The following DMD variants were observed in gnomAD, a reference collection of about 807,000 sequenced individuals.
The protein encoded by DMD is dystrophin, also known as mutant dystrophin.
DMD carries 63 observed loss-of-function variants against 330.1 expected under a neutral mutation model. The observed-to-expected ratio is 0.19, with a 90% CI of 0.16 to 0.24. The LOEUF is 0.24. DMD is among the 10% of genes least tolerant of loss of function. DMD has a pLI of 1.00. For missense variants in DMD, 3,344 were observed against 2,684.1 expected, an observed-to-expected ratio of 1.25 and a Z score of -5.43; for synonymous variants, 1,223 against 959.8, an observed-to-expected ratio of 1.27 and a Z score of -5.07.
intron 48 of DMD, among the ~76,000 whole-genome samples, chrX:31,839,768 A>G (rs1003718284): frequency 8.9e-6 from 1 of 112,033 alleles, no homozygotes; most frequent in African/African-American, 3.2e-5. Context: ...CACAAATACA[A>G]ATGTTTTAGC....
chrX:32,104,144 G>A (rs561839093), intron 44 of DMD, among the ~76,000 whole-genome samples: 1 of 111,184 alleles, frequency 9.0e-6, no homozygotes, highest in East Asian at 2.8e-4. Flanking sequence ...TTCTCTCCTT[G>A]GGCTACTGCA....
At chrX:32,602,674 G>C (rs936700733) in intron 12 of DMD, among the ~76,000 whole-genome samples, 1 of 111,366 alleles carries the variant, frequency 9.0e-6, no homozygotes, top group Non-Finnish European at 1.9e-5. Context: ...TTTTGATTCT[G>C]AGTATTTAAT....
rs779319576 is a variant in DMD, at chrX:33,305,841, T to A, written c.7+33418A>T. Among the ~76,000 whole-genome samples, 340 of 112,055 alleles carry A rather than the reference T, an allele frequency of 3.0e-3. 1 individual carries two copies. The highest frequency in any genetic ancestry group is 0.011 in the African/African-American group (329 of 30,880). On this transcript the variant is annotated intron_variant, in intron 1 of 17. Transcript: ENST00000288447. ...CAATAACTTAAGAACACATCTTTTG[T>A]CAGTGTCTCTGAGGGATAAATATTT...
chrX:32,816,218 C>T (rs1000232976), intron 6 of DMD, among the ~76,000 whole-genome samples: 1 of 111,629 alleles, frequency 9.0e-6, no homozygotes. Context: ...TGATACTCTC[C>T]CCCTCCACTA....
At chrX:32,951,850 T>C (rs1265425257) in intron 2 of DMD, among the ~76,000 whole-genome samples, 2 of 111,760 alleles carry the variant, frequency 1.8e-5, no homozygotes, top group Non-Finnish European at 3.8e-5. Context: ...AGAGCCTATA[T>C]CCCCAAATAG....
chrX:31,402,393 C>T (rs879055795), intron 60 of DMD, among the ~76,000 whole-genome samples: 7 of 111,806 alleles, frequency 6.3e-5, no homozygotes, highest in Non-Finnish European at 9.4e-5. Context: ...AGGAGATAAA[C>T]GGATGGGCCG....
intron 2 of DMD, among the ~76,000 whole-genome samples, chrX:32,874,323 G>C (rs181923331): frequency 3.7e-3 from 410 of 111,974 alleles, no homozygotes; most frequent in African/African-American, 0.012. Context: ...TTGATACAAA[G>C]ATTGAGCTTA....
chrX:31,863,565 A>C (rs1278015650), intron 48 of DMD, among the ~76,000 whole-genome samples: 1 of 111,922 alleles, frequency 8.9e-6, no homozygotes, highest in Admixed American at 9.5e-5. Flanking sequence ...TTCTTTACTC[A>C]AGGTACCATC....
chrX:32,175,471 G>A (rs1486982949), intron 44 of DMD, among the ~76,000 whole-genome samples: 5 of 110,692 alleles, frequency 4.5e-5, no homozygotes, highest in Non-Finnish European at 9.5e-5. Flanking sequence ...CCCCTTCCAC[G>A]TTGTGGAAGC....
chrX:32,858,957 G>T (rs1012158532), intron 2 of DMD, among the ~76,000 whole-genome samples: 3 of 111,030 alleles, frequency 2.7e-5, no homozygotes, highest in Non-Finnish European at 5.7e-5. Flanking sequence ...TGTTATCTTG[G>T]GCAAGTGACA....
chrX:33,188,233 C>T (rs981384641), intron 1 of DMD, among the ~76,000 whole-genome samples: 4 of 108,969 alleles, frequency 3.7e-5, no homozygotes, highest in African/African-American at 1.3e-4. Flanking sequence ...TTCCTTTAAC[C>T]ATCTCTCTCT....
In DMD at chrX:31,509,854, A is replaced by T. The variant is rs779012618; in HGVS notation, c.8218-2401T>A. Among the ~76,000 whole-genome samples, 3 of 112,485 alleles carry T rather than the reference A, an allele frequency of 2.7e-5. No individual in the cohort carries two copies. The South Asian group carries it at 1.1e-3, about 42-fold the overall frequency. On this transcript the variant is annotated intron_variant, in intron 55 of 78. Transcript: ENST00000357033. ...GGGAAATGTAAGAGGAGTACAAATG[A>T]TAGTTCTGTCTTTAATTTTCCTAAA...
At chrX:31,209,791 C>T in intron 64 of DMD, 92 bp from the exon 65 acceptor site, 2 of 864,826 alleles carry the variant, frequency 2.3e-6, no homozygotes, top group South Asian at 4.3e-5. Flanking sequence ...CTAGGACTCT[C>T]TCATACCCTT....
chrX:31,564,679 A>T (rs1217658822), intron 55 of DMD, among the ~76,000 whole-genome samples: 3 of 112,590 alleles, frequency 2.7e-5, no homozygotes, highest in African/African-American at 9.7e-5. Context: ...TATCTTAATT[A>T]AATCAGATAA....
Position 31,178,385 on chromosome X carries a change from A to AT in DMD, c.10223+283dup, listed in dbSNP as rs1314281816. On this transcript the variant is annotated intron_variant, in intron 70 of 78. Coordinates refer to ENST00000357033, the MANE Select transcript of DMD (RefSeq NM_004006.3). ...ATCACTCATTTGTAAACAGTCCCAT[A>AT]TTTCTTATAAGGCTTGTAAGGCAAT... 5.3e-6 allele frequency: 5 copies of AT among 947,848 alleles called. No homozygotes were observed. In the African/African-American group the frequency reaches 1.0e-4, roughly 19 times the overall value. The allele number at this position is 947,848 out of a possible 1,213,427, so 78.1% of individuals were successfully genotyped here.
At chrX:32,505,157 A>AGAATTAATAAGTTGAATAGT (rs2044489985) in intron 18 of DMD, among the ~76,000 whole-genome samples, 2 of 111,658 alleles carry the variant, frequency 1.8e-5, no homozygotes. Flanking sequence ...CATGAAAGAA[A>AGAATTAATAAGTTGAATAGT]GAATTAATAA....
At chrX:32,592,240 G>A in intron 13 of DMD, among the ~76,000 whole-genome samples, 1 of 111,244 alleles carries the variant, frequency 9.0e-6, no homozygotes, top group Non-Finnish European at 1.9e-5. Context: ...TCTGGGTGGA[G>A]TTTGTGGCCC....
intron 1 of DMD, among the ~76,000 whole-genome samples, chrX:33,218,905 C>T (rs747007584): frequency 9.0e-6 from 1 of 111,220 alleles, no homozygotes; most frequent in East Asian, 2.9e-4. Flanking sequence ...ATTTATTGAA[C>T]TTTTTTTTGA....
At chrX:33,033,008 T>C (rs867147665) in intron 1 of DMD, among the ~76,000 whole-genome samples, 2 of 111,635 alleles carry the variant, frequency 1.8e-5, no homozygotes, top group Admixed American at 9.5e-5. Flanking sequence ...GTCAGTCTTT[T>C]AGAAAAGGGT....
Sources: gnomAD v4.1 joint callset for allele counts (sites outside exome capture counted in the v4.1 genomes callset) on GRCh38, gnomAD v4.1.1 for gene constraint, MANE v1.5 for transcripts, NCBI Gene and HGNC (gene_info 2026-07-23, HGNC 2026-07-21) for gene names.